MGAT4C: variants seen among roughly 807,000 people sequenced by gnomAD.
MGAT4C encodes the protein alpha-1,3-mannosyl-glycoprotein 4-beta-N-acetylglucosaminyltransferase C.
Under a neutral mutation model 40.1 loss-of-function variants are expected in MGAT4C, and 19 were observed. That is an observed-to-expected ratio of 0.47 (90% CI 0.33 to 0.70). The LOEUF is 0.70. Ranked by LOEUF, MGAT4C falls within the 30% of genes least tolerant of loss-of-function variation. The pLI is 0.02. For missense variants in MGAT4C, 491 were observed against 563.2 expected (o/e 0.87, Z 1.30); for synonymous variants, 181 against 187.1 (o/e 0.97, Z 0.27).
At chr12:86,397,205 T>G (rs182731887) in intron 3 of MGAT4C, among the ~76,000 whole-genome samples, 1 of 152,164 alleles carries the variant, frequency 6.6e-6, no homozygotes, top group African/African-American at 2.4e-5. Flanking sequence ...GTTTTTTTCC[T>G]TATATTCCAA....
intron 2 of MGAT4C, among the ~76,000 whole-genome samples, chr12:86,459,591 TA>T (rs1316507463): frequency 1.3e-5 from 2 of 151,958 alleles, no homozygotes; most frequent in Non-Finnish European, 2.9e-5. Flanking sequence ...AAGAGAACCC[TA>T]AGTTTCAGAT....
chr12:86,525,383 T>G (rs941703886), intron 2 of MGAT4C, among the ~76,000 whole-genome samples: 1 of 152,178 alleles, frequency 6.6e-6, no homozygotes, highest in Non-Finnish European at 1.5e-5. Flanking sequence ...TAAACCTCTT[T>G]CCTTTATAAA....
chr12:86,623,102 G>A (rs539457392), intron 2 of MGAT4C, among the ~76,000 whole-genome samples: 1 of 152,224 alleles, frequency 6.6e-6, no homozygotes, highest in South Asian at 2.1e-4. Flanking sequence ...GAACTCCATG[G>A]AACAGCTTCA....
intron 2 of MGAT4C, among the ~76,000 whole-genome samples, chr12:86,567,504 G>C (rs1960182294): frequency 6.6e-6 from 1 of 152,170 alleles, no homozygotes; most frequent in Admixed American, 6.6e-5. Context: ...AAGAGTATCA[G>C]TGGAATACAG....
chr12:86,382,389 G>A (rs1243557627), intron 3 of MGAT4C, among the ~76,000 whole-genome samples: 2 of 152,222 alleles, frequency 1.3e-5, no homozygotes, highest in African/African-American at 2.4e-5. Flanking sequence ...AAGCATTCAA[G>A]AGGTGACTTG....
chr12:86,318,059 A>T (rs1245413437), intron 4 of MGAT4C, among the ~76,000 whole-genome samples: 4 of 152,072 alleles, frequency 2.6e-5, no homozygotes, highest in Admixed American at 1.3e-4. Flanking sequence ...TTCATTGAAG[A>T]TAATTTTGAT....
chr12:86,097,990 A>G lies in MGAT4C; in HGVS notation c.-56-48267T>C, dbSNP rs561341492. Reference sequence around the variant, plus strand: ...ACCTGTCATTTGACACTCATCCTGAAGGAAGGAACACCTGCCTGAATTACA... The same window carrying G: ...ACCTGTCATTTGACACTCATCCTGAGGGAAGGAACACCTGCCTGAATTACA... On this transcript the variant is annotated intron_variant, in intron 1 of 4. Coordinates refer to ENST00000611864, the MANE Select transcript of MGAT4C (RefSeq NM_001351288.2). Among the ~76,000 whole-genome samples, 241 of 151,772 alleles carry G rather than the reference A, an allele frequency of 1.6e-3. 1 individual carries two copies. The highest frequency in any genetic ancestry group is 5.6e-3 in the African/African-American group (233 of 41,522).
intron 1 of MGAT4C, among the ~76,000 whole-genome samples, chr12:86,184,424 T>C (rs1179339647): frequency 2.6e-5 from 4 of 151,848 alleles, no homozygotes; most frequent in Non-Finnish European, 5.9e-5. Flanking sequence ...CAGGACATTA[T>C]TCTAAGAATT....
intron 2 of MGAT4C, among the ~76,000 whole-genome samples, chr12:86,541,364 G>A (rs184158782): frequency 2.0e-5 from 3 of 152,192 alleles, no homozygotes; most frequent in Admixed American, 2.0e-4. Context: ...TGTGGACTAC[G>A]ATCTGTTGAA....
intron 1 of MGAT4C, among the ~76,000 whole-genome samples, chr12:86,140,268 C>T (rs780684586): frequency 2.1e-4 from 32 of 152,246 alleles, no homozygotes; most frequent in African/African-American, 7.5e-4. Flanking sequence ...TGTAATTACA[C>T]ATTTTCTAAA....
intron 2 of MGAT4C, among the ~76,000 whole-genome samples, chr12:85,992,834 C>T (rs943498592): frequency 1.3e-5 from 2 of 152,194 alleles, no homozygotes; most frequent in African/African-American, 2.4e-5. Flanking sequence ...CAATTCGGAC[C>T]TTTGCCGAGA....
intron 1 of MGAT4C, among the ~76,000 whole-genome samples, chr12:86,769,408 C>T (rs958766176): frequency 5.3e-5 from 8 of 152,120 alleles, no homozygotes; most frequent in Non-Finnish European, 1.2e-4. Context: ...CACTTTTACA[C>T]TGTTGGTGGG....
intron 1 of MGAT4C, among the ~76,000 whole-genome samples, chr12:86,770,597 C>A (rs1221960342): frequency 6.6e-6 from 1 of 151,794 alleles, no homozygotes; most frequent in African/African-American, 2.4e-5. Flanking sequence ...TGTGTTTTTG[C>A]ATAGATAATG....
intron 2 of MGAT4C, among the ~76,000 whole-genome samples, chr12:86,645,369 C>T (rs1470654789): frequency 6.6e-6 from 1 of 151,544 alleles, no homozygotes; most frequent in Non-Finnish European, 1.5e-5. Flanking sequence ...AAATGATAAG[C>T]AACATTAAAT....
chr12:86,568,088 T>G (rs1960208978), intron 2 of MGAT4C, among the ~76,000 whole-genome samples: 1 of 152,084 alleles, frequency 6.6e-6, no homozygotes. Context: ...GAATACTAGT[T>G]GTCAATTTGA....
At chr12:86,257,784 G>C (rs150747689), upstream of MGAT4C, among the ~76,000 whole-genome samples, 880 of 152,242 alleles carry the variant, frequency 5.8e-3, 5 homozygotes, top group Non-Finnish European at 0.01. Flanking sequence ...TGAGAAGCGA[G>C]TTAGCATGTG....
chr12:86,714,088 TA>T (rs1734708235), intron 2 of MGAT4C, among the ~76,000 whole-genome samples: 1 of 152,144 alleles, frequency 6.6e-6, no homozygotes, highest in African/African-American at 2.4e-5. Flanking sequence ...TTGAAATTTT[TA>T]TAGAAAGCTA....
chr12:86,672,155 T>A (rs1281091999), intron 2 of MGAT4C, among the ~76,000 whole-genome samples: 1 of 152,044 alleles, frequency 6.6e-6, no homozygotes, highest in African/African-American at 2.4e-5. Flanking sequence ...TACAAGTATA[T>A]GGAAATTAAA....
intron 3 of MGAT4C, among the ~76,000 whole-genome samples, chr12:86,345,737 A>G (rs532514833): frequency 6.6e-6 from 1 of 152,326 alleles, no homozygotes; most frequent in Admixed American, 6.5e-5. Flanking sequence ...CCTTTATAAC[A>G]GCATGATTTA....
Sources: allele counts gnomAD v4.1 joint callset (sites outside exome capture counted in the v4.1 genomes callset), GRCh38; gene constraint gnomAD v4.1.1; transcripts MANE v1.5; gene names NCBI Gene and HGNC (gene_info 2026-07-23, HGNC 2026-07-21).